CHST11: variants seen among roughly 807,000 people sequenced by gnomAD.
CHST11 encodes carbohydrate sulfotransferase 11, also known as C4S-1.
A neutral mutation model predicts 30.4 loss-of-function variants in CHST11; 9 were observed. The ratio of observed to expected loss-of-function variants is 0.30; its 90% confidence interval spans 0.18 to 0.52. CHST11 has a LOEUF of 0.52. Among genes scored for constraint, CHST11 ranks in the 20% least tolerant of loss-of-function variants. The probability of loss-of-function intolerance (pLI) is 0.97; values close to 1 mark genes in which losing one functional copy is unlikely to be tolerated. For synonymous variants in CHST11, 152 were observed against 187.8 expected (o/e 0.81, Z 1.56); for missense variants, 348 against 460.6 (o/e 0.76, Z 2.24).
At chr12:104,472,161 G>T (rs1349865056) in intron 1 of CHST11, among the ~76,000 whole-genome samples, 1 of 145,442 alleles carries the variant, frequency 6.9e-6, no homozygotes, top group Non-Finnish European at 1.5e-5. Flanking sequence ...TTTTTGTAGA[G>T]ACAGGGTCTA....
chr12:104,502,838 G>A (rs945575624), intron 1 of CHST11, among the ~76,000 whole-genome samples: 5 of 152,310 alleles, frequency 3.3e-5, no homozygotes, highest in Admixed American at 6.5e-5. Flanking sequence ...TCAGAGGCAG[G>A]CCCTTCTACT....
At chr12:104,637,161 T>TGG (rs2039330371) in intron 2 of CHST11, among the ~76,000 whole-genome samples, 1 of 151,384 alleles carries the variant, frequency 6.6e-6, no homozygotes, top group South Asian at 2.1e-4. Flanking sequence ...AAAAATGAGC[T>TGG]GGGTGTGGTG....
At chr12:104,496,340 G>T (rs749986755) in intron 1 of CHST11, among the ~76,000 whole-genome samples, 1 of 152,088 alleles carries the variant, frequency 6.6e-6, no homozygotes, top group African/African-American at 2.4e-5. Context: ...TGACACAGTT[G>T]GTTTAATTTT....
intron 1 of CHST11, among the ~76,000 whole-genome samples, chr12:104,593,108 T>C (rs554933726): frequency 1.6e-4 from 24 of 151,992 alleles, no homozygotes; most frequent in Non-Finnish European, 2.9e-4. Context: ...TTAGATTTAC[T>C]CCCTTGACCT....
intron 2 of CHST11, among the ~76,000 whole-genome samples, chr12:104,627,792 A>ATGG (rs1262459315): frequency 8.5e-5 from 13 of 152,118 alleles, no homozygotes; most frequent in Non-Finnish European, 1.8e-4. Flanking sequence ...GATGATGATG[A>ATGG]TGATGGTGGT....
intron 1 of CHST11, among the ~76,000 whole-genome samples, chr12:104,520,604 C>T (rs912851016): frequency 6.6e-6 from 1 of 152,130 alleles, no homozygotes; most frequent in East Asian, 1.9e-4. Context: ...CTTAGGATGG[C>T]GTAATTTTGT....
At chr12:104,564,019 C>T (rs906642761) in intron 1 of CHST11, among the ~76,000 whole-genome samples, 6 of 152,068 alleles carry the variant, frequency 3.9e-5, no homozygotes, top group Admixed American at 1.3e-4. Context: ...TTGAGATCTA[C>T]GTGGAGACAC....
chr12:104,679,137 A>T (rs1381737697), intron 2 of CHST11, among the ~76,000 whole-genome samples: 1 of 152,204 alleles, frequency 6.6e-6, no homozygotes, highest in Non-Finnish European at 1.5e-5. Context: ...TAGTACTCAG[A>T]TGAGGAAACT....
At chr12:104,502,636 T>C (rs374229881) in intron 1 of CHST11, among the ~76,000 whole-genome samples, 2 of 152,160 alleles carry the variant, frequency 1.3e-5, no homozygotes, top group African/African-American at 2.4e-5. Flanking sequence ...AGGTGTTAAA[T>C]TGGGTAGCTG....
At position 104,458,379 on chromosome 12, in the gene CHST11, G is replaced by A. The variant is rs558695074; in HGVS notation, c.118+850G>A. On this transcript the variant is annotated intron_variant, in intron 1 of 2. Coordinates refer to ENST00000303694, the MANE Select transcript of CHST11 (RefSeq NM_018413.6). This position sits in a 1 kb window ranked among gnomAD's most constrained non-coding sequence, Gnocchi z 5.7. The stretch of plus-strand genomic sequence containing the variant: ...GCAACGGGAATCCCCCGGGCGGCGT[G>A]GGAATGAACCCCATTCCTCCGGTCC... 3.9e-5 allele frequency among the ~76,000 whole-genome samples: 6 copies of A among 152,336 alleles called. No individual in the cohort carries two copies. The South Asian group carries it at 1.0e-3, about 26-fold the overall frequency.
intron 2 of CHST11, among the ~76,000 whole-genome samples, chr12:104,667,600 G>T (rs921907977): frequency 1.3e-5 from 2 of 152,162 alleles, no homozygotes; most frequent in Non-Finnish European, 2.9e-5. Flanking sequence ...TTTCCATCCA[G>T]TGTTGGAGCT....
In CHST11 at chr12:104,678,036, C is replaced by T. The variant is rs115579395; in HGVS notation, c.204+76045C>T. Among the ~76,000 whole-genome samples, 1,024 of 152,370 alleles carry T rather than the reference C, an allele frequency of 6.7e-3. 16 individuals are homozygous for T. Among genetic ancestry groups the T allele is most frequent in the African/African-American group, 0.023 (962 of 41,590 alleles). On this transcript the variant is annotated intron_variant, in intron 2 of 2. Coordinates refer to ENST00000303694, the MANE Select transcript of CHST11 (RefSeq NM_018413.6). ...CTTTGAGAGGCCTTCTCCAACCTTCCAGGCACTGCTTCTTGCATTGCCTTG... is the reference window on the plus strand; with the variant it reads ...CTTTGAGAGGCCTTCTCCAACCTTCTAGGCACTGCTTCTTGCATTGCCTTG...
At chr12:104,644,769 G>C (rs1397160028) in intron 2 of CHST11, among the ~76,000 whole-genome samples, 2 of 152,222 alleles carry the variant, frequency 1.3e-5, no homozygotes, top group Non-Finnish European at 2.9e-5. Context: ...CTCCATCTCA[G>C]ATCTGTCCCT....
chr12:104,553,935 C>A (rs544181107), intron 1 of CHST11, among the ~76,000 whole-genome samples: 1 of 152,198 alleles, frequency 6.6e-6, no homozygotes, highest in South Asian at 2.1e-4. Flanking sequence ...AAGGTATCAG[C>A]CAGGGCTGGG....
chr12:104,722,284 C>T (rs906741405), intron 2 of CHST11, among the ~76,000 whole-genome samples: 1 of 151,756 alleles, frequency 6.6e-6, no homozygotes. Context: ...ATTACAGATG[C>T]GAGCCACTGT....
chr12:104,613,286 GATA>G (rs751459376), intron 2 of CHST11, among the ~76,000 whole-genome samples: 1 of 151,636 alleles, frequency 6.6e-6, no homozygotes, highest in Admixed American at 6.6e-5. Flanking sequence ...TAGATAGATA[GATA>G]GATATAGATA....
At chr12:104,469,354 G>A (rs2037486321) in intron 1 of CHST11, among the ~76,000 whole-genome samples, 1 of 152,188 alleles carries the variant, frequency 6.6e-6, no homozygotes, top group Non-Finnish European at 1.5e-5. Flanking sequence ...AGTGACCGCA[G>A]CATTTCCTCC....
intron 1 of CHST11, among the ~76,000 whole-genome samples, chr12:104,549,254 A>G (rs1009332927): frequency 4.6e-5 from 7 of 152,304 alleles, no homozygotes; most frequent in Admixed American, 3.9e-4. Flanking sequence ...TGTCAACTGC[A>G]AAGTTCCTTC....
intron 2 of CHST11, among the ~76,000 whole-genome samples, chr12:104,727,548 G>C (rs1489363292): frequency 6.6e-6 from 1 of 152,238 alleles, no homozygotes; most frequent in Non-Finnish European, 1.5e-5. Flanking sequence ...GGTATTGGTA[G>C]AGTGGAGATG....
Sources: allele counts gnomAD v4.1 joint callset (sites outside exome capture counted in the v4.1 genomes callset), GRCh38; gene constraint gnomAD v4.1.1; non-coding constraint Gnocchi (gnomAD v3.1); transcripts MANE v1.5; gene names NCBI Gene and HGNC (gene_info 2026-07-23, HGNC 2026-07-21).